Variants in ZNF101 observed in about 807,000 individuals in gnomAD.
The protein encoded by ZNF101 is zinc finger protein 101.
Under a neutral mutation model 42.6 loss-of-function variants are expected in ZNF101, and 34 were observed. The observed-to-expected ratio is 0.80, with a 90% confidence interval of 0.61 to 1.06. The LOEUF (loss-of-function observed/expected upper bound fraction) is 1.06. ZNF101 is among the 50% of genes least tolerant of loss of function. ZNF101 has a pLI of 0.00. For synonymous variants in ZNF101, 158 were observed against 183.9 expected, an observed-to-expected ratio of 0.86 and a Z score of 1.14; for missense variants, 466 against 530.9, an observed-to-expected ratio of 0.88 and a Z score of 1.20.
upstream of ZNF101, chr19:19,668,689 C>G (rs182571972): frequency 2.2e-6 from 1 of 445,128 alleles, no homozygotes; most frequent in East Asian, 3.6e-5. Context: ...TTGAGGATTC[C>G]GATCACCTCT....
intron 1 of ZNF101, among the ~76,000 whole-genome samples, chr19:19,671,162 A>G (rs1221807321): frequency 6.6e-6 from 1 of 152,196 alleles, no homozygotes; most frequent in Admixed American, 6.6e-5. Flanking sequence ...GTGATTTACA[A>G]AGATTCACCA....
chr19:19,671,450 T>C (rs1599447771), intron 1 of ZNF101, among the ~76,000 whole-genome samples: 1 of 152,296 alleles, frequency 6.6e-6, no homozygotes, highest in East Asian at 1.9e-4. Context: ...ATCCCAGTTA[T>C]TTCCCAGAGT....
In ZNF101 at chr19:19,683,348, CG is replaced by C. The variant is rs2062248967; in HGVS notation, c.*3049del. The stretch of plus-strand genomic sequence containing the variant: ...CCATTTTTTGCTCTTTACTCTTTGT[CG>C]TTATTTCTGAGTATTATTTGGATGG... On this transcript the variant is annotated 3_prime_UTR_variant, in exon 4 of 4. Transcript: ENST00000592502. The C allele has an allele frequency of 6.6e-6, 1 of 151,948 alleles. No homozygotes were observed. Among genetic ancestry groups the C allele is most frequent in the African/African-American group, 2.4e-5 (1 of 41,372 alleles). 9.4% of individuals were successfully genotyped at this position (151,948 alleles called of 1,614,324 possible).
upstream of ZNF101, chr19:19,668,833 C>G: frequency 1.2e-5 from 14 of 1,199,416 alleles, no homozygotes; most frequent in Non-Finnish European, 1.5e-5. Flanking sequence ...TTCCCGCCGG[C>G]CCCCCATTCG....
At chr19:19,675,098 G>A (rs2062194040) in intron 1 of ZNF101, among the ~76,000 whole-genome samples, 2 of 151,740 alleles carry the variant, frequency 1.3e-5, no homozygotes, top group African/African-American at 2.4e-5. Context: ...GAGGTTACAG[G>A]CATGAGCCAC....
chr19:19,678,136 A>C, intron 2 of ZNF101, 146 bp downstream of exon 2: 3 of 1,242,570 alleles, frequency 2.4e-6, no homozygotes, highest in Non-Finnish European at 3.3e-6. Flanking sequence ...TTACCCTTGT[A>C]ATCCTAGTGC....
chr19:19,671,432 C>T (rs1367972272), intron 1 of ZNF101, among the ~76,000 whole-genome samples: 1 of 152,090 alleles, frequency 6.6e-6, no homozygotes, highest in African/African-American at 2.4e-5. Context: ...CTCTCATGAT[C>T]TCATGTAATC....
intron 1 of ZNF101, 97 bp downstream of exon 1, chr19:19,669,063 C>T: frequency 6.8e-7 from 1 of 1,476,220 alleles, no homozygotes; most frequent in Non-Finnish European, 9.1e-7. Context: ...CTGTGGGGGT[C>T]TGGGACCCGA....
intron 1 of ZNF101, among the ~76,000 whole-genome samples, chr19:19,670,919 C>A (rs899159750): frequency 7.9e-5 from 12 of 152,186 alleles, no homozygotes; most frequent in African/African-American, 2.4e-5. Flanking sequence ...TCCTGGCTAA[C>A]ACGGGGAAAC....
intron 1 of ZNF101, chr19:19,677,369 C>A (rs1337381624): frequency 6.3e-6 from 1 of 159,460 alleles, no homozygotes; most frequent in East Asian, 1.9e-4. Context: ...CAGTACCATC[C>A]TGTTTGTCAA....
intron 1 of ZNF101, 167 bp from the exon 2 acceptor site, chr19:19,677,697 T>G: frequency 1.8e-6 from 2 of 1,096,690 alleles, no homozygotes; most frequent in Non-Finnish European, 2.5e-6. Flanking sequence ...GTTCTCACAC[T>G]GGAACTGCTG....
chr19:19,668,807 C>T (rs79881267), upstream of ZNF101: 1 of 934,046 alleles, frequency 1.1e-6, no homozygotes. Flanking sequence ...ACTTCCAAAG[C>T]CCGAAGCGGT....
chr19:19,670,592 A>G (rs539853049), intron 1 of ZNF101, among the ~76,000 whole-genome samples: 2 of 152,082 alleles, frequency 1.3e-5, no homozygotes, highest in African/African-American at 4.8e-5. Flanking sequence ...CCCCATTTCT[A>G]CAACAAATAC....
At chr19:19,674,776 A>T (rs1259858432) in intron 1 of ZNF101, among the ~76,000 whole-genome samples, 1 of 152,050 alleles carries the variant, frequency 6.6e-6, no homozygotes, top group Non-Finnish European at 1.5e-5. Context: ...CAGCAGTGAA[A>T]CTATTTGGTG....
At position 19,682,782 on chromosome 19, in the gene ZNF101, T is replaced by C. The variant is rs1303736715; in HGVS notation, c.*2482T>C. 1 of 152,142 alleles carries C rather than the reference T, an allele frequency of 6.6e-6. No individual in the cohort carries two copies. The highest frequency in any genetic ancestry group is 1.9e-4 in the East Asian group (1 of 5,196). 9.4% of individuals were successfully genotyped at this position (152,142 alleles called of 1,614,324 possible). A position where few individuals can be genotyped will look rare whatever the true frequency, so the allele number is the denominator to read the frequency against. Reference sequence around the variant, plus strand: ...ATTTTTATGTAGTGTTTAATTGTTCTGTGATGAATGGGCCATTACAAAATG... The same window carrying C: ...ATTTTTATGTAGTGTTTAATTGTTCCGTGATGAATGGGCCATTACAAAATG... On this transcript the variant is annotated 3_prime_UTR_variant, in exon 4 of 4. Transcript: ENST00000592502.
In ZNF101 at chr19:19,680,056, A is replaced by G. The variant is rs1311865524; in HGVS notation, c.1067A>G (p.His356Arg). Residue 356 changes from histidine to arginine, a missense_variant, in exon 4 of 4, where the codon CAT becomes CGT. By Grantham distance (29) the His-to-Arg change is conservative. Transcript: ENST00000592502. Reference sequence around the variant, plus strand: ...AATTATCCCAGTTGTTTTCGAAGACATAAAAAAACTCATAGTGGAGAAAAG... The same window carrying G: ...AATTATCCCAGTTGTTTTCGAAGACGTAAAAAAACTCATAGTGGAGAAAAG... The part of the protein sequence containing the change: ...TFNYPSCFRR[H>R]KKTHSGEKPY... 1.9e-6 allele frequency: 3 copies of G among 1,614,070 alleles called. No individual in the cohort carries two copies. Among genetic ancestry groups the G allele is most frequent in the East Asian group, 2.2e-5 (1 of 44,892 alleles).
chr19:19,671,479 TA>T (rs1462050584), intron 1 of ZNF101, among the ~76,000 whole-genome samples: 1 of 151,842 alleles, frequency 6.6e-6, no homozygotes, highest in Non-Finnish European at 1.5e-5. Flanking sequence ...GTAATATTAA[TA>T]CCATCACCTT....
rs534486389 is a variant in ZNF101, at chr19:19,683,051, C to G, written c.*2751C>G. 1 of 152,144 alleles carries G rather than the reference C, an allele frequency of 6.6e-6. No homozygotes were observed. The highest frequency in any genetic ancestry group is 2.1e-4 in the South Asian group (1 of 4,824). 9.4% of individuals were successfully genotyped at this position (152,144 alleles called of 1,614,324 possible). A position where few individuals can be genotyped will look rare whatever the true frequency, so the allele number is the denominator to read the frequency against. On this transcript the variant is annotated 3_prime_UTR_variant, in exon 4 of 4. Transcript: ENST00000592502. ...GATTTCCTGACCTTGTGATCCACCC[C>G]ACCTTGGCCTCCCAAAGTGCTGAGA...
intron 2 of ZNF101, 84 bp downstream of exon 2, chr19:19,678,074 A>G: frequency 6.4e-7 from 1 of 1,561,744 alleles, no homozygotes; most frequent in Non-Finnish European, 8.7e-7. Flanking sequence ...TGGAATGTGG[A>G]AAGAGAATAC....
Sources: gnomAD v4.1 joint callset for allele counts (sites outside exome capture counted in the v4.1 genomes callset) on GRCh38, gnomAD v4.1.1 for gene constraint, MANE v1.5 for transcripts, NCBI Gene and HGNC (gene_info 2026-07-23, HGNC 2026-07-21) for gene names.